DGKB: variants seen among roughly 807,000 people sequenced by gnomAD.
DGKB encodes the protein diacylglycerol kinase beta.
DGKB carries 67 observed loss-of-function variants against 114.3 expected under a neutral mutation model. That is an observed-to-expected ratio of 0.59 (90% CI 0.48 to 0.72). The LOEUF is 0.72. Among genes scored for constraint, DGKB ranks in the 30% least tolerant of loss-of-function variants. DGKB has a pLI of 0.00. For missense variants in DGKB, 907 were observed against 975.2 expected, an observed-to-expected ratio of 0.93 and a Z score of 0.93; for synonymous variants, 398 against 323.1, an observed-to-expected ratio of 1.23 and a Z score of -2.49.
chr7:14,264,920 A>G (rs1005450505), intron 23 of DGKB, among the ~76,000 whole-genome samples: 9 of 152,182 alleles, frequency 5.9e-5, no homozygotes, highest in African/African-American at 2.2e-4. Context: ...ATACAGTAAT[A>G]AATAACTGAA....
chr7:14,165,838 A>G (rs1244231903), intron 25 of DGKB, among the ~76,000 whole-genome samples: 1 of 152,192 alleles, frequency 6.6e-6, no homozygotes, highest in Non-Finnish European at 1.5e-5. Flanking sequence ...ACTGCTAAAG[A>G]AAGCCAAAAT....
chr7:14,698,413 C>CA (rs1317202462), intron 7 of DGKB, among the ~76,000 whole-genome samples: 2 of 152,118 alleles, frequency 1.3e-5, no homozygotes, highest in South Asian at 2.1e-4. Context: ...CACAACTTTA[C>CA]AAAAAATACA....
At chr7:14,805,151 A>T (rs182807803) in intron 2 of DGKB, among the ~76,000 whole-genome samples, 1 of 152,196 alleles carries the variant, frequency 6.6e-6, no homozygotes, top group Non-Finnish European at 1.5e-5. Context: ...ACTGCCAAAA[A>T]ACAAAATTTA....
At chr7:14,289,175 A>G (rs1044258436) in intron 23 of DGKB, among the ~76,000 whole-genome samples, 2 of 152,028 alleles carry the variant, frequency 1.3e-5, no homozygotes, top group African/African-American at 2.4e-5. Flanking sequence ...TTTAGTGTAC[A>G]TATCTTGGAA....
chr7:14,511,581 T>C (rs1466036713), intron 20 of DGKB, among the ~76,000 whole-genome samples: 1 of 152,196 alleles, frequency 6.6e-6, no homozygotes, highest in African/African-American at 2.4e-5. Flanking sequence ...CACTTTCACT[T>C]CATAGTTCAT....
intron 6 of DGKB, among the ~76,000 whole-genome samples, chr7:14,706,001 A>G (rs1826157835): frequency 6.6e-6 from 1 of 151,850 alleles, no homozygotes; most frequent in Non-Finnish European, 1.5e-5. Context: ...AAATGCTCCA[A>G]TTAAAAGACA....
chr7:14,849,529 G>A (rs1046854582), intron 1 of DGKB, among the ~76,000 whole-genome samples: 2 of 152,024 alleles, frequency 1.3e-5, no homozygotes, highest in South Asian at 4.2e-4. Context: ...CCTAGATCTT[G>A]GATTTCCCAG....
intron 23 of DGKB, among the ~76,000 whole-genome samples, chr7:14,308,101 C>A (rs1055775556): frequency 6.6e-6 from 1 of 151,888 alleles, no homozygotes; most frequent in African/African-American, 2.4e-5. Context: ...AATTGCTTTT[C>A]TTTTTATGTA....
At position 14,381,193 on chromosome 7, in the gene DGKB, T is replaced by C. The variant is rs142880121; in HGVS notation, c.1836-35802A>G. Among the ~76,000 whole-genome samples the C allele has an allele frequency of 3.5e-3, 536 of 152,274 alleles. 11 individuals are homozygous for C. Among genetic ancestry groups the C allele is most frequent in the Admixed American group, 0.026 (393 of 15,296 alleles). On this transcript the variant is annotated intron_variant, in intron 21 of 25. Coordinates refer to ENST00000402815, the MANE Select transcript of DGKB (RefSeq NM_001350709.2). ...CTTCAATGTTGTCATGCCAAGGTAA[T>C]CAATAAGGTAGAGCCTCTTTTATTT...
chr7:14,420,202 TTATA>T, intron 21 of DGKB, among the ~76,000 whole-genome samples: 1 of 151,958 alleles, frequency 6.6e-6, no homozygotes, highest in African/African-American at 2.4e-5. Flanking sequence ...AATTTTTTGT[TTATA>T]TATGTATTCT....
chr7:14,925,993 T>G (rs1028173676), intron 1 of DGKB, among the ~76,000 whole-genome samples: 6 of 152,168 alleles, frequency 3.9e-5, no homozygotes, highest in Non-Finnish European at 8.8e-5. Flanking sequence ...TCTTGAACAT[T>G]CAGTTTTTCA....
chr7:14,507,450 A>G (rs1246443479), intron 20 of DGKB, among the ~76,000 whole-genome samples: 1 of 152,198 alleles, frequency 6.6e-6, no homozygotes, highest in African/African-American at 2.4e-5. Flanking sequence ...TTACTAATCA[A>G]CATTATAATG....
chr7:14,475,860 A>C (rs1782087781), intron 21 of DGKB, among the ~76,000 whole-genome samples: 1 of 152,148 alleles, frequency 6.6e-6, no homozygotes, highest in Non-Finnish European at 1.5e-5. Context: ...ATATGTGAAT[A>C]ATAGGAGTCT....
chr7:14,232,639 CA>C (rs1792088926), intron 23 of DGKB, among the ~76,000 whole-genome samples: 1 of 151,906 alleles, frequency 6.6e-6, no homozygotes, highest in Non-Finnish European at 1.5e-5. Context: ...AGGACTAACT[CA>C]AATCCCTAAT....
At chr7:14,682,494 T>G in intron 12 of DGKB, 59 bp downstream of exon 12, 118 of 1,136,744 alleles carry the variant, frequency 1.0e-4, no homozygotes, top group Non-Finnish European at 1.4e-4. Context: ...TCAGAGAGTA[T>G]GATATACACG....
At chr7:14,847,151 C>T (rs543126408) in intron 1 of DGKB, among the ~76,000 whole-genome samples, 3 of 152,050 alleles carry the variant, frequency 2.0e-5, no homozygotes, top group Non-Finnish European at 4.4e-5. Context: ...ATTAACAGAG[C>T]GTGGTGGTGG....
chr7:14,596,626 C>T (rs755893107), intron 17 of DGKB, among the ~76,000 whole-genome samples: 7 of 152,260 alleles, frequency 4.6e-5, no homozygotes, highest in Admixed American at 2.6e-4. Context: ...TAGTCAGATC[C>T]TAAAATGCTC....
intron 13 of DGKB, among the ~76,000 whole-genome samples, chr7:14,642,187 T>C (rs1026960208): frequency 7.2e-5 from 11 of 152,254 alleles, no homozygotes; most frequent in African/African-American, 2.4e-4. Flanking sequence ...TTTTTTTCTA[T>C]ACTCTTTCTT....
chr7:14,792,724 C>A (rs556144995), intron 2 of DGKB, among the ~76,000 whole-genome samples: 130 of 132,192 alleles, frequency 9.8e-4, no homozygotes, highest in African/African-American at 4.2e-3. Flanking sequence ...TACACTTCAT[C>A]TTTTTGCATA....
Sources: allele counts gnomAD v4.1 joint callset (sites outside exome capture counted in the v4.1 genomes callset), GRCh38; gene constraint gnomAD v4.1.1; transcripts MANE v1.5; gene names NCBI Gene and HGNC (gene_info 2026-07-23, HGNC 2026-07-21).